The following SLC17A8 variants were observed in gnomAD, a reference collection of about 807,000 sequenced individuals.
The protein encoded by SLC17A8 is vesicular glutamate transporter 3.
SLC17A8 carries 31 observed loss-of-function variants against 58.0 expected under a neutral mutation model. That is an observed-to-expected ratio of 0.53 (90% CI 0.40 to 0.72). SLC17A8 has a LOEUF of 0.72. Ranked by LOEUF, SLC17A8 falls within the 30% of genes least tolerant of loss-of-function variation. The probability of loss-of-function intolerance (pLI) is 0.00; values close to 1 mark genes in which losing one functional copy is unlikely to be tolerated. For synonymous variants in SLC17A8, 228 were observed against 249.0 expected (o/e 0.92, Z 0.79); for missense variants, 655 against 727.8 (o/e 0.90, Z 1.15).
chr12:100,409,344 C>T (rs959138696), intron 9 of SLC17A8, among the ~76,000 whole-genome samples: 1 of 152,056 alleles, frequency 6.6e-6, no homozygotes, highest in Non-Finnish European at 1.5e-5. Context: ...TGCAACCATG[C>T]CTGGCTAACT....
intron 3 of SLC17A8, 124 bp from the exon 4 acceptor site, chr12:100,393,245 C>A: frequency 1.4e-6 from 1 of 690,440 alleles, no homozygotes; most frequent in Non-Finnish European, 2.6e-6. Context: ...ATTACAGGTA[C>A]GATCTTTCCA....
chr12:100,404,502 G>A (rs1593004026), intron 9 of SLC17A8: 41 of 232,864 alleles, frequency 1.8e-4, no homozygotes, highest in South Asian at 4.1e-4. Context: ...TGGGATATAT[G>A]CACACACACA....
chr12:100,361,781 G>A (rs1952486563), intron 1 of SLC17A8, among the ~76,000 whole-genome samples: 1 of 152,090 alleles, frequency 6.6e-6, no homozygotes, highest in Non-Finnish European at 1.5e-5. Context: ...GGGCAACATG[G>A]TGAAACCTGT....
intron 2 of SLC17A8, among the ~76,000 whole-genome samples, chr12:100,384,981 G>T (rs1202251707): frequency 6.6e-6 from 1 of 152,074 alleles, no homozygotes; most frequent in Non-Finnish European, 1.5e-5. Context: ...GAAGTGCCTT[G>T]AGCCTTTGTC....
chr12:100,381,028 G>C (rs983507780), intron 2 of SLC17A8, 75 bp downstream of exon 2: 6 of 1,575,386 alleles, frequency 3.8e-6, no homozygotes, highest in Non-Finnish European at 5.2e-6. Context: ...CTAGAGTACA[G>C]TGGCACGATC....
At chr12:100,413,263 T>C (rs1441795694) in intron 10 of SLC17A8, among the ~76,000 whole-genome samples, 6 of 152,176 alleles carry the variant, frequency 3.9e-5, no homozygotes, top group Non-Finnish European at 5.9e-5. Context: ...GCTAGAGAAC[T>C]GCGAGTGTCA....
chr12:100,380,614 C>T, intron 1 of SLC17A8, 87 bp from the exon 2 acceptor site: 2 of 1,505,944 alleles, frequency 1.3e-6, no homozygotes, highest in Non-Finnish European at 1.8e-6. Flanking sequence ...TTTTCATCTG[C>T]TGGTACCTTT....
In SLC17A8 at chr12:100,357,355, C is replaced by T. The variant is rs767382929; in HGVS notation, c.-37C>T. On this transcript the variant is annotated 5_prime_UTR_variant, in exon 1 of 12. Transcript: ENST00000323346. The stretch of plus-strand genomic sequence containing the variant: ...TGAGGAAGGATGACAGTTTTTGAGA[C>T]TGACTGTTAACGGCTCAGAGGTGCC... 3 of 1,161,656 alleles carry T rather than the reference C, an allele frequency of 2.6e-6. No individual in the cohort carries two copies. Among genetic ancestry groups the T allele is most frequent in the South Asian group, 2.4e-5 (2 of 81,946 alleles). 72.0% of individuals were successfully genotyped at this position (1,161,656 alleles called of 1,614,324 possible).
chr12:100,361,565 G>A (rs1008699522), intron 1 of SLC17A8, among the ~76,000 whole-genome samples: 13 of 152,114 alleles, frequency 8.5e-5, no homozygotes, highest in African/African-American at 3.1e-4. Flanking sequence ...CTCTGTCTTA[G>A]GTAGGTTCCC....
chr12:100,416,663 T>C (rs1952908520), intron 10 of SLC17A8, among the ~76,000 whole-genome samples: 1 of 152,172 alleles, frequency 6.6e-6, no homozygotes, highest in South Asian at 2.1e-4. Flanking sequence ...AGCAACTATT[T>C]ATTGAGTGAC....
intron 1 of SLC17A8, among the ~76,000 whole-genome samples, chr12:100,360,810 C>T (rs1952479236): frequency 6.6e-6 from 1 of 152,198 alleles, no homozygotes; most frequent in African/African-American, 2.4e-5. Context: ...TTAGGGAGGT[C>T]TACTTGGACT....
intron 1 of SLC17A8, among the ~76,000 whole-genome samples, chr12:100,375,418 T>C (rs116176488): frequency 0.02 from 3,088 of 152,244 alleles, 30 homozygotes; most frequent in Non-Finnish European, 0.028. Flanking sequence ...ATTACAATAC[T>C]GGGACATTTT....
intron 1 of SLC17A8, among the ~76,000 whole-genome samples, chr12:100,377,529 A>C (rs1952602499): frequency 6.6e-6 from 1 of 150,388 alleles, no homozygotes; most frequent in Admixed American, 6.7e-5. Flanking sequence ...CCTCAGTTGG[A>C]CATAGATTGG....
chr12:100,415,556 C>A (rs1386111867), intron 10 of SLC17A8, among the ~76,000 whole-genome samples: 2 of 152,090 alleles, frequency 1.3e-5, no homozygotes, highest in Non-Finnish European at 2.9e-5. Flanking sequence ...CCTCAGCCTC[C>A]TGAGTAGCTG....
rs185658537 is a variant in SLC17A8 at position 100,374,077 on chromosome 12, C to T, written c.102-6624C>T. Among the ~76,000 whole-genome samples, 258 of 152,254 alleles carry T rather than the reference C, an allele frequency of 1.7e-3. 2 individuals are homozygous for T. The highest frequency in any genetic ancestry group is 2.9e-4 in the Non-Finnish European group (20 of 68,024). On this transcript the variant is annotated intron_variant, in intron 1 of 11. Transcript: ENST00000323346. ...TGTGTTAGTCTTTGTAGGGTCGGCTCATGTATCTCTGTGAGATAAATATTT... is the reference window on the plus strand; with the variant it reads ...TGTGTTAGTCTTTGTAGGGTCGGCTTATGTATCTCTGTGAGATAAATATTT...
chr12:100,398,979 G>A (rs143436176), intron 5 of SLC17A8, among the ~76,000 whole-genome samples: 4 of 152,252 alleles, frequency 2.6e-5, no homozygotes, highest in East Asian at 1.9e-4. Flanking sequence ...CCCCCGCCAC[G>A]TGGAACTGTG....
At chr12:100,381,887 A>G (rs1566392192) in intron 2 of SLC17A8, among the ~76,000 whole-genome samples, 1 of 152,236 alleles carries the variant, frequency 6.6e-6, no homozygotes, top group Non-Finnish European at 1.5e-5. Context: ...AATGTATGCC[A>G]TTGTTGGAAA....
intron 1 of SLC17A8, among the ~76,000 whole-genome samples, chr12:100,377,974 T>G (rs1952606887): frequency 1.3e-5 from 2 of 152,142 alleles, no homozygotes; most frequent in Admixed American, 6.5e-5. Context: ...ATTAATTTTT[T>G]TTTAGGGGAA....
chr12:100,394,873 A>T (rs190971960), intron 4 of SLC17A8, among the ~76,000 whole-genome samples: 179 of 148,008 alleles, frequency 1.2e-3, no homozygotes, highest in East Asian at 9.4e-3. Context: ...TATCATATAT[A>T]GTGTATGTAT....
Sources: allele counts gnomAD v4.1 joint callset (sites outside exome capture counted in the v4.1 genomes callset), GRCh38; gene constraint gnomAD v4.1.1; transcripts MANE v1.5; gene names NCBI Gene and HGNC (gene_info 2026-07-23, HGNC 2026-07-21).